ZSCAN32: variants seen among roughly 807,000 people sequenced by gnomAD.
ZSCAN32 encodes zinc finger and SCAN domain-containing protein 32.
In ZSCAN32, 52 loss-of-function variants were observed where a neutral mutation model predicts 47.4. The ratio of observed to expected loss-of-function variants is 1.10; its 90% confidence interval spans 0.88 to 1.38. The LOEUF (loss-of-function observed/expected upper bound fraction) is 1.38, where lower values mean the gene tolerates loss of function less well. ZSCAN32 is among the 40% of genes most tolerant of loss of function. The pLI is 0.00. For synonymous variants in ZSCAN32, 346 were observed against 305.7 expected, an observed-to-expected ratio of 1.13 and a Z score of -1.38; for missense variants, 959 against 846.0, an observed-to-expected ratio of 1.13 and a Z score of -1.66.
chr16:3,382,880 G>A lies in ZSCAN32; in HGVS notation c.2066C>T (p.Ser689Leu), dbSNP rs1307041733. The change falls in exon 7 of 7, where the codon TCA becomes TTA. Residue 689 changes from serine to leucine, a missense_variant. By Grantham distance (145) the Ser-to-Leu change is moderately radical. Transcript: ENST00000396852. ...HQTVHMKAVL[S>L]SQEGRDAL The stretch of plus-strand genomic sequence containing the variant: ...TAACGCATCTCTTCCTTCCTGTGAT[G>A]AGAGTACTGCTTTCATGTGTACTGT... 4 of 1,578,368 alleles carry A rather than the reference G, an allele frequency of 2.5e-6. No individual in the cohort carries two copies. In the South Asian group the frequency reaches 4.6e-5, roughly 18 times the overall value.
In ZSCAN32 at chr16:3,382,719, C is replaced by T; in HGVS notation, c.*133G>A. Reference sequence around the variant, plus strand: ...AGCGTCCTTATGCTGACTCCTGGTCCTAGACATGGGTCTTAAGATCCAGTA... The same window carrying T: ...AGCGTCCTTATGCTGACTCCTGGTCTTAGACATGGGTCTTAAGATCCAGTA... On this transcript the variant is annotated 3_prime_UTR_variant, in exon 7 of 7. Transcript: ENST00000396852. 7.0e-7 allele frequency: 1 copy of T among 1,421,730 alleles called. No individual in the cohort carries two copies. Among genetic ancestry groups the T allele is most frequent in the Non-Finnish European group, 9.3e-7 (1 of 1,072,746 alleles). The allele number at this position is 1,421,730 out of a possible 1,614,324, so 88.1% of individuals were successfully genotyped here.
chr16:3,395,434 T>C (rs1457738043), intron 2 of ZSCAN32, among the ~76,000 whole-genome samples: 1 of 152,192 alleles, frequency 6.6e-6, no homozygotes, highest in Non-Finnish European at 1.5e-5. Flanking sequence ...ACTCTAGTGA[T>C]AGTAAGTTCT....
At chr16:3,393,024 G>A (rs2032902564) in intron 3 of ZSCAN32, among the ~76,000 whole-genome samples, 1 of 147,778 alleles carries the variant, frequency 6.8e-6, no homozygotes. Context: ...CACCTTTAAT[G>A]ACACCTGATT....
rs1296237179 is a variant in ZSCAN32 at position 3,384,681 on chromosome 16, G to C, written c.1012C>G (p.Leu338Val). ...PCIFYEEMNALSGSWASAPPM... is the reference protein window; with the variant it reads ...PCIFYEEMNAVSGSWASAPPM... ...GGTGCAGAGGCCCAGGAGCCTGAAA[G>C]AGCATTCATTTCCTCATAAAAGATA... Residue 338 changes from leucine (L) to valine (V), a missense_variant, in exon 6 of 7, where the codon CTT (leucine) becomes GTT (valine). Coordinates refer to ENST00000396852, the MANE Select transcript of ZSCAN32 (RefSeq NM_001284527.2). 4 of 1,614,176 alleles carry C rather than the reference G, an allele frequency of 2.5e-6. No individual in the cohort carries two copies. Among genetic ancestry groups the C allele is most frequent in the Non-Finnish European group, 2.5e-6 (3 of 1,180,028 alleles).
At position 3,393,260 on chromosome 16, in the gene ZSCAN32, TTG is replaced by T. The variant is rs1179320310; in HGVS notation, c.532+387_532+388del. ...TATATTTTATATATATATATATTTT[TTG>T]TTTTCTTTGAGACAGCCCAGGCTGG... On this transcript the variant is annotated intron_variant, in intron 3 of 6. Transcript: ENST00000396852. 2.1e-3 allele frequency among the ~76,000 whole-genome samples: 44 copies of T among 21,440 alleles called. 3 individuals are homozygous for T. The highest frequency in any genetic ancestry group is 6.0e-3 in the African/African-American group (26 of 4,352). The allele number at this position is 21,440 out of a possible 152,430, so 14.1% of individuals were successfully genotyped here.
At chr16:3,392,655 G>A (rs1012672329) in intron 3 of ZSCAN32, among the ~76,000 whole-genome samples, 11 of 152,110 alleles carry the variant, frequency 7.2e-5, no homozygotes, top group East Asian at 3.9e-4. Flanking sequence ...ATGAAACGCC[G>A]TCTCTACTAA....
chr16:3,390,557 C>T, intron 3 of ZSCAN32, 40 bp from the exon 4 acceptor site: 1 of 1,480,788 alleles, frequency 6.8e-7, no homozygotes, highest in Non-Finnish European at 9.2e-7. Flanking sequence ...GCGGCTTCCA[C>T]ACAACAGCAC....
intron 5 of ZSCAN32, among the ~76,000 whole-genome samples, chr16:3,385,992 T>A (rs551534473): frequency 0.044 from 6,642 of 152,102 alleles, 196 homozygotes; most frequent in Middle Eastern, 0.062. Flanking sequence ...GAAACTACCA[T>A]CAGAGTGAAC....
intron 5 of ZSCAN32, among the ~76,000 whole-genome samples, chr16:3,387,683 G>C (rs920662428): frequency 2.3e-4 from 35 of 152,202 alleles, no homozygotes; most frequent in African/African-American, 8.2e-4. Flanking sequence ...AGCCTATCTG[G>C]TCTTCTTGCT....
intron 1 of ZSCAN32, among the ~76,000 whole-genome samples, chr16:3,399,312 G>C (rs969513618): frequency 1.3e-5 from 2 of 152,158 alleles, no homozygotes; most frequent in African/African-American, 4.8e-5. Flanking sequence ...CACACAGCTA[G>C]GCCTATCAAA....
In ZSCAN32 at chr16:3,393,190, T is replaced by TTATAAA. The variant is rs1567319107; in HGVS notation, c.532+458_532+459insTTTATA. The stretch of plus-strand genomic sequence containing the variant: ...TATTTCTATATATATATTTCTATAT[T>TTATAAA]TATATATATATTTATATTTATATAT... On this transcript the variant is annotated intron_variant, in intron 3 of 6. Transcript: ENST00000396852. 3.8e-3 allele frequency among the ~76,000 whole-genome samples: 113 copies of TTATAAA among 29,580 alleles called. 20 individuals carry two copies. Among genetic ancestry groups the TTATAAA allele is most frequent in the African/African-American group, 0.026 (109 of 4,156 alleles). The allele number at this position is 29,580 out of a possible 152,430, so 19.4% of individuals were successfully genotyped here.
In ZSCAN32 at chr16:3,390,148, G is replaced by A. The variant is rs1195255738; in HGVS notation, c.628-15C>T. 6.3e-7 allele frequency: 1 copy of A among 1,595,318 alleles called. No homozygotes were observed. Among genetic ancestry groups the A allele is most frequent in the Non-Finnish European group, 8.5e-7 (1 of 1,170,578 alleles). On this transcript the variant is annotated splice_polypyrimidine_tract_variant and intron_variant, in intron 4 of 6. Coordinates refer to ENST00000396852, the MANE Select transcript of ZSCAN32 (RefSeq NM_001284527.2). Reference sequence around the variant, plus strand: ...ATGGCTGGTCCCTGTAACAACACTGGAGCTGCTGCTACCGATAAAATAGCA... The same window carrying A: ...ATGGCTGGTCCCTGTAACAACACTGAAGCTGCTGCTACCGATAAAATAGCA...
In ZSCAN32 at chr16:3,397,475, C is replaced by A. The variant is rs895310409; in HGVS notation, c.83G>T (p.Gly28Val). Residue 28 changes from glycine (G) to valine (V), a missense_variant, in exon 2 of 7, where the codon GGT (glycine) becomes GTT (valine). Transcript: ENST00000396852. ...PTQGQKSALQ[G>V]NSPDSEASRQ... ...GGAGGCCTCGGAGTCAGGGCTGTTA[C>A]CCTGGAGGGCTGATTTCTGGCCCTG... 1.2e-5 allele frequency: 18 copies of A among 1,550,542 alleles called. No individual in the cohort carries two copies. In the Admixed American group the frequency reaches 3.1e-4, roughly 27 times the overall value.
intron 5 of ZSCAN32, among the ~76,000 whole-genome samples, chr16:3,388,461 A>T (rs1242026472): frequency 6.6e-6 from 1 of 152,028 alleles, no homozygotes; most frequent in East Asian, 1.9e-4. Flanking sequence ...CTTCTCTCCC[A>T]TTGCGCTTAT....
rs371723331 is a variant in ZSCAN32, at chr16:3,388,493, G to A, written c.751+1517C>T. Among the ~76,000 whole-genome samples the A allele has an allele frequency of 5.9e-5, 9 of 152,168 alleles. No individual in the cohort carries two copies. The East Asian group carries it at 1.2e-3, about 19-fold the overall frequency. On this transcript the variant is annotated intron_variant, in intron 5 of 6. Transcript: ENST00000396852. ...TTATCGCCCTCTAACATCTTCTGCC[G>A]CTTACTGATTATGCTATGGTCTGTC...
chr16:3,400,321 C>T (rs901731444), intron 1 of ZSCAN32, among the ~76,000 whole-genome samples: 18 of 152,264 alleles, frequency 1.2e-4, no homozygotes, highest in Non-Finnish European at 2.2e-4. Context: ...AGCACAGCTC[C>T]TAGGCAGCAA....
In ZSCAN32 at chr16:3,384,549, CCA is replaced by C; in HGVS notation, c.1142_1143del (p.Val381GlyfsTer7). The C allele has an allele frequency of 6.2e-7, 1 of 1,614,202 alleles. No individual in the cohort carries two copies. The highest frequency in any genetic ancestry group is 8.5e-7 in the Non-Finnish European group (1 of 1,180,032). ...GEPTEVEDGT[V>X]DGADRDEKDF... Reference sequence around the variant, plus strand: ...TCCTTTTCATCCCTGTCTGCACCATCCACAGTGCCATCTTCTACCTCCGTGGG... The same window carrying C: ...TCCTTTTCATCCCTGTCTGCACCATCCAGTGCCATCTTCTACCTCCGTGGG... On this transcript the variant is annotated frameshift_variant, in exon 6 of 7. Transcript: ENST00000396852. LOFTEE classifies it high-confidence loss of function.
intron 1 of ZSCAN32, among the ~76,000 whole-genome samples, chr16:3,400,052 A>G (rs3760083): frequency 0.52 from 79,537 of 152,134 alleles, 22,149 homozygotes; most frequent in East Asian, 0.67. Context: ...CAAGATGAAT[A>G]TACTCAGGAC....
chr16:3,394,700 A>C (rs530725978), intron 2 of ZSCAN32, among the ~76,000 whole-genome samples: 2 of 152,270 alleles, frequency 1.3e-5, no homozygotes, highest in South Asian at 4.1e-4. Context: ...GCAGCCTAAA[A>C]GGCCCAGCAT....
Sources: allele counts gnomAD v4.1 joint callset (sites outside exome capture counted in the v4.1 genomes callset), GRCh38; gene constraint gnomAD v4.1.1; transcripts MANE v1.5; gene names NCBI Gene and HGNC (gene_info 2026-07-23, HGNC 2026-07-21).